ALK: variants seen among roughly 807,000 people sequenced by gnomAD.
ALK encodes ALK tyrosine kinase receptor.
ALK carries 74 observed loss-of-function variants against 163.1 expected under a neutral mutation model. The observed-to-expected ratio is 0.45, with a 90% CI of 0.38 to 0.55. The LOEUF (loss-of-function observed/expected upper bound fraction) is 0.55. Among genes scored for constraint, ALK ranks in the 20% least tolerant of loss-of-function variants. ALK has a pLI of 0.00. For missense variants in ALK, 2,063 were observed against 2,105.3 expected (o/e 0.98, Z 0.39); for synonymous variants, 960 against 843.2 (o/e 1.14, Z -2.40).
intron 20 of ALK, 74 bp from the exon 21 acceptor site, chr2:29,222,681 C>T (rs1669839728): frequency 1.5e-6 from 2 of 1,339,526 alleles, no homozygotes; most frequent in South Asian, 2.5e-5. Context: ...GGTCCTGAGC[C>T]TGGGCGTCAC....
intron 1 of ALK, among the ~76,000 whole-genome samples, chr2:29,725,560 T>C (rs950038634): frequency 2.2e-4 from 34 of 152,196 alleles, no homozygotes; most frequent in African/African-American, 8.2e-4. Flanking sequence ...AACATGTTAA[T>C]GACGATGGAT....
chr2:29,745,146 G>A (rs1330386087), intron 1 of ALK, among the ~76,000 whole-genome samples: 1 of 152,134 alleles, frequency 6.6e-6, no homozygotes. Flanking sequence ...AGACTGAATG[G>A]TTTGTATGGC....
intron 1 of ALK, among the ~76,000 whole-genome samples, chr2:29,768,707 A>G (rs1365959595): frequency 2.3e-5 from 2 of 85,182 alleles, no homozygotes; most frequent in Admixed American, 1.3e-4. Context: ...ATTAAATTAT[A>G]TATGTCTGTG....
At chr2:29,786,772 T>C (rs954567491) in intron 1 of ALK, among the ~76,000 whole-genome samples, 1 of 151,834 alleles carries the variant, frequency 6.6e-6, no homozygotes, top group Non-Finnish European at 1.5e-5. Flanking sequence ...TCCCTGGGAG[T>C]TTTTTTTGTT....
intron 11 of ALK, among the ~76,000 whole-genome samples, chr2:29,253,210 T>C (rs999255277): frequency 6.6e-6 from 1 of 152,210 alleles, no homozygotes; most frequent in African/African-American, 2.4e-5. Context: ...CTTTATAGAA[T>C]GCATTTTTGG....
intron 3 of ALK, among the ~76,000 whole-genome samples, chr2:29,556,431 T>A (rs1428296693): frequency 2.0e-5 from 3 of 152,198 alleles, no homozygotes. Flanking sequence ...TCCTTACTAT[T>A]GCAAACAAGA....
chr2:29,871,895 C>T (rs148855926), intron 1 of ALK, among the ~76,000 whole-genome samples: 2 of 152,152 alleles, frequency 1.3e-5, no homozygotes, highest in Admixed American at 6.6e-5. Context: ...ATTACCTGCC[C>T]GATCAGGTGA....
At chr2:29,471,035 G>C (rs985806006) in intron 4 of ALK, among the ~76,000 whole-genome samples, 3 of 151,984 alleles carry the variant, frequency 2.0e-5, no homozygotes, top group Non-Finnish European at 2.9e-5. Flanking sequence ...ACCATGAACA[G>C]CATAGTAAAA....
chr2:29,679,316 C>T (rs1294744205), intron 3 of ALK, among the ~76,000 whole-genome samples: 1 of 151,732 alleles, frequency 6.6e-6, no homozygotes, highest in Non-Finnish European at 1.5e-5. Context: ...CTGACAATCT[C>T]TGATCTTGTG....
At chr2:29,718,990 C>T (rs1223282910) in intron 1 of ALK, among the ~76,000 whole-genome samples, 1 of 152,208 alleles carries the variant, frequency 6.6e-6, no homozygotes, top group Non-Finnish European at 1.5e-5. Flanking sequence ...TGGTCTCCTA[C>T]CTCTAACCCC....
rs182458650 is a variant in ALK, at chr2:29,594,594, A to G, written c.953-62478T>C. ...CAGGTGTGCACTACCATGCTTGGCTAATTTTTGTGTTTTTAGTAGACACGG... is the reference window on the plus strand; with the variant it reads ...CAGGTGTGCACTACCATGCTTGGCTGATTTTTGTGTTTTTAGTAGACACGG... On this transcript the variant is annotated intron_variant, in intron 3 of 28. Coordinates refer to ENST00000389048, the MANE Select transcript of ALK (RefSeq NM_004304.5). Among the ~76,000 whole-genome samples the G allele has an allele frequency of 3.3e-5, 5 of 151,782 alleles. No homozygotes were observed. The East Asian group carries it at 9.7e-4, about 29-fold the overall frequency.
chr2:29,245,441 C>A (rs1573154413), intron 12 of ALK, among the ~76,000 whole-genome samples: 1 of 136,236 alleles, frequency 7.3e-6, no homozygotes, highest in South Asian at 2.4e-4. Flanking sequence ...TGGCTCAGTG[C>A]CCTGCACGTA....
At chr2:29,759,586 T>C (rs1350239676) in intron 1 of ALK, among the ~76,000 whole-genome samples, 1 of 152,254 alleles carries the variant, frequency 6.6e-6, no homozygotes, top group Admixed American at 6.5e-5. Flanking sequence ...TTGACCACTC[T>C]GGCTGTTTTA....
In ALK at chr2:29,222,627, A is replaced by C; in HGVS notation, c.3360-20T>G. The C allele has an allele frequency of 6.2e-7, 1 of 1,608,604 alleles. No homozygotes were observed. The highest frequency in any genetic ancestry group is 1.8e-4 in the Middle Eastern group (1 of 5,696). On this transcript the variant is annotated intron_variant, in intron 20 of 28. Transcript: ENST00000389048. ...AGACCCCTGTGCAAAGGAGAAGACA[A>C]GAGGAGACAGAGTCAAACAGGCCAC...
At chr2:29,639,337 C>T (rs1156455194) in intron 3 of ALK, among the ~76,000 whole-genome samples, 1 of 152,132 alleles carries the variant, frequency 6.6e-6, no homozygotes, top group African/African-American at 2.4e-5. Flanking sequence ...GCGTGGTGCA[C>T]AGACACCCAT....
At chr2:29,202,940 G>A (rs1348189627) in intron 26 of ALK, among the ~76,000 whole-genome samples, 8 of 152,148 alleles carry the variant, frequency 5.3e-5, no homozygotes, top group Admixed American at 5.2e-4. Context: ...GGAGCGTTAG[G>A]TCACAGGATG....
At chr2:29,875,562 T>C (rs1666682629) in intron 1 of ALK, among the ~76,000 whole-genome samples, 1 of 152,156 alleles carries the variant, frequency 6.6e-6, no homozygotes, top group South Asian at 2.1e-4. Flanking sequence ...TAGGTATTTC[T>C]CCTAATGCTC....
intron 1 of ALK, among the ~76,000 whole-genome samples, chr2:29,913,560 A>G (rs1667759724): frequency 6.6e-6 from 1 of 152,150 alleles, no homozygotes; most frequent in Admixed American, 6.5e-5. Context: ...ATGATCCTAG[A>G]CCTACAACCA....
At chr2:29,555,339 T>A (rs968052554) in intron 3 of ALK, among the ~76,000 whole-genome samples, 1 of 151,894 alleles carries the variant, frequency 6.6e-6, no homozygotes, top group Non-Finnish European at 1.5e-5. Flanking sequence ...ACTTCACTCA[T>A]TTACTTTACC....
Sources: allele counts gnomAD v4.1 joint callset (sites outside exome capture counted in the v4.1 genomes callset), GRCh38; gene constraint gnomAD v4.1.1; transcripts MANE v1.5; gene names NCBI Gene and HGNC (gene_info 2026-07-23, HGNC 2026-07-21).